The following DACH1 variants were observed in gnomAD, a reference collection of about 807,000 sequenced individuals.
DACH1 encodes the protein dachshund family transcription factor 1, also known as dachshund homolog 1.
DACH1 carries 12 observed loss-of-function variants against 54.2 expected under a neutral mutation model. The observed-to-expected ratio is 0.22, with a 90% confidence interval of 0.14 to 0.36. The LOEUF (loss-of-function observed/expected upper bound fraction) is 0.36. DACH1 is among the 10% of genes least tolerant of loss of function. The pLI is 1.00. For missense variants in DACH1, 805 were observed against 929.8 expected, an observed-to-expected ratio of 0.87 and a Z score of 1.75; for synonymous variants, 386 against 366.2, an observed-to-expected ratio of 1.05 and a Z score of -0.62.
At chr13:71,858,937 C>G (rs1347900365) in intron 1 of DACH1, among the ~76,000 whole-genome samples, 4 of 151,338 alleles carry the variant, frequency 2.6e-5, no homozygotes, top group Admixed American at 6.6e-5. Flanking sequence ...CTCTGTGTGT[C>G]TCTCTCTCAG....
chr13:71,756,675 T>C (rs1885173421), intron 1 of DACH1, among the ~76,000 whole-genome samples: 1 of 152,206 alleles, frequency 6.6e-6, no homozygotes, highest in South Asian at 2.1e-4. Flanking sequence ...GGAAGACTGA[T>C]ATAAAATGGT....
intron 1 of DACH1, among the ~76,000 whole-genome samples, chr13:71,734,828 A>G (rs990676389): frequency 7.2e-6 from 1 of 138,194 alleles, no homozygotes; most frequent in African/African-American, 2.7e-5. Flanking sequence ...TATATCCCAT[A>G]TACGTATACC....
chr13:71,481,913 G>A (rs147456248), intron 7 of DACH1, among the ~76,000 whole-genome samples: 11 of 152,284 alleles, frequency 7.2e-5, no homozygotes, highest in African/African-American at 1.4e-4. Context: ...AAACGGTCAC[G>A]TTAAATGCTG....
chr13:71,585,882 T>C (rs562457457), intron 3 of DACH1, among the ~76,000 whole-genome samples: 2 of 152,108 alleles, frequency 1.3e-5, no homozygotes, highest in Non-Finnish European at 2.9e-5. Context: ...TCATATTTCA[T>C]GCCACTGGAA....
intron 5 of DACH1, among the ~76,000 whole-genome samples, chr13:71,558,058 T>C (rs951917273): frequency 5.3e-5 from 8 of 151,978 alleles, no homozygotes; most frequent in Non-Finnish European, 8.8e-5. Context: ...AGTACTATAA[T>C]AATGTTATTT....
rs1026636392 is a variant in DACH1 at position 71,631,128 on chromosome 13, A to C, written c.965-411T>G. On this transcript the variant is annotated intron_variant, in intron 2 of 10. Transcript: ENST00000613252. ...GGAGTGTAAACCTACTTCCTCACCC[A>C]GTTTCTTCATTGTCATCCACACCCT... is the stretch of plus-strand genomic sequence containing the variant. Among the ~76,000 whole-genome samples the C allele has an allele frequency of 2.0e-5, 3 of 152,156 alleles. No homozygotes were observed. The South Asian group carries it at 6.2e-4, about 31-fold the overall frequency.
At chr13:71,466,567 G>T (rs1876586994) in intron 10 of DACH1, among the ~76,000 whole-genome samples, 3 of 152,098 alleles carry the variant, frequency 2.0e-5, no homozygotes, top group Non-Finnish European at 4.4e-5. Flanking sequence ...GCCAGGCAGG[G>T]TGCGGCGGCT....
intron 8 of DACH1, among the ~76,000 whole-genome samples, chr13:71,477,577 T>C (rs890715030): frequency 6.6e-6 from 1 of 152,202 alleles, no homozygotes; most frequent in Non-Finnish European, 1.5e-5. Context: ...ATTTCCCTTA[T>C]TTAATGGTGT....
At chr13:71,716,747 G>A (rs1210890197) in intron 1 of DACH1, among the ~76,000 whole-genome samples, 1 of 152,086 alleles carries the variant, frequency 6.6e-6, no homozygotes, top group Non-Finnish European at 1.5e-5. Flanking sequence ...GAATTCAATG[G>A]TCTGGTAATA....
intron 2 of DACH1, among the ~76,000 whole-genome samples, chr13:71,651,261 G>T (rs1878643083): frequency 6.6e-6 from 1 of 152,074 alleles, no homozygotes; most frequent in African/African-American, 2.4e-5. Flanking sequence ...CAGCACTTTG[G>T]GAGCCTGAGG....
chr13:71,551,473 C>T (rs1883810839), intron 6 of DACH1, among the ~76,000 whole-genome samples: 1 of 152,090 alleles, frequency 6.6e-6, no homozygotes, highest in Non-Finnish European at 1.5e-5. Flanking sequence ...TCTAAACAGC[C>T]TCTGGAAACC....
At position 71,866,223 on chromosome 13, in the gene DACH1, G is replaced by T. The variant is rs984094988; in HGVS notation, c.547C>A (p.Pro183Thr). 1.2e-6 allele frequency: 2 copies of T among 1,612,644 alleles called. No individual in the cohort carries two copies. The highest frequency in any genetic ancestry group is 1.7e-6 in the Non-Finnish European group (2 of 1,179,392). Reference sequence around the variant, plus strand: ...ACCATTTTGCACTCATTATTCTGAGGGGTGTTTTCCACTGGGGACGGGGTT... The same window carrying T: ...ACCATTTTGCACTCATTATTCTGAGTGGTGTTTTCCACTGGGGACGGGGTT... ...YSTPSPVENT[P>T]QNNECKMVDL... Residue 183 changes from proline (P) to threonine (T), a missense_variant, in exon 1 of 11, where the codon CCT (proline) becomes ACT (threonine). This residue lies in a region of DACH1 where 305 missense variants were observed against 308.7 expected (regional missense o/e 0.99). Coordinates refer to ENST00000613252, the MANE Select transcript of DACH1 (RefSeq NM_080759.6).
chr13:71,838,542 C>T (rs1888885942), intron 1 of DACH1, among the ~76,000 whole-genome samples: 1 of 152,154 alleles, frequency 6.6e-6, no homozygotes, highest in African/African-American at 2.4e-5. Flanking sequence ...AAACCAAATT[C>T]TGGTATCAAT....
At chr13:71,638,125 T>A (rs1877624318) in intron 2 of DACH1, among the ~76,000 whole-genome samples, 1 of 152,200 alleles carries the variant, frequency 6.6e-6, no homozygotes. Flanking sequence ...TTAGTTTGCT[T>A]ACATTTAAAC....
intron 10 of DACH1, among the ~76,000 whole-genome samples, chr13:71,447,504 G>A (rs528030648): frequency 6.6e-6 from 1 of 152,188 alleles, no homozygotes; most frequent in East Asian, 1.9e-4. Context: ...TGAACAGATT[G>A]ATCATTTATT....
At chr13:71,689,305 AC>A (rs1366258099) in intron 1 of DACH1, among the ~76,000 whole-genome samples, 1 of 152,144 alleles carries the variant, frequency 6.6e-6, no homozygotes, top group Non-Finnish European at 1.5e-5. Flanking sequence ...CATTTTGGTT[AC>A]CATTATCTAT....
intron 1 of DACH1, among the ~76,000 whole-genome samples, chr13:71,699,387 C>A (rs574365225): frequency 6.6e-6 from 1 of 152,158 alleles, no homozygotes; most frequent in Non-Finnish European, 1.5e-5. Flanking sequence ...TTTAGCCTGA[C>A]TTTTTCAAAA....
intron 1 of DACH1, among the ~76,000 whole-genome samples, chr13:71,782,105 C>T (rs1035207296): frequency 2.6e-5 from 4 of 152,112 alleles, no homozygotes; most frequent in African/African-American, 9.7e-5. Context: ...ATGTCTCATC[C>T]TCCTATTCTG....
At chr13:71,662,048 A>C (rs1181218329) in intron 2 of DACH1, among the ~76,000 whole-genome samples, 3 of 152,058 alleles carry the variant, frequency 2.0e-5, no homozygotes, top group Non-Finnish European at 4.4e-5. Flanking sequence ...AATGTTTTCT[A>C]TCATGACCTC....
Sources: gnomAD v4.1 joint callset for allele counts (sites outside exome capture counted in the v4.1 genomes callset) on GRCh38, gnomAD v4.1.1 for gene constraint, gnomAD v4.1.1 regional missense constraint, MANE v1.5 for transcripts, NCBI Gene and HGNC (gene_info 2026-07-23, HGNC 2026-07-21) for gene names.